Variants in CCDC88C observed in about 807,000 individuals in gnomAD.
The protein encoded by CCDC88C is protein Daple.
Under a neutral mutation model 198.8 loss-of-function variants are expected in CCDC88C, and 131 were observed. That is an observed-to-expected ratio of 0.66 (90% confidence interval 0.57 to 0.76). The LOEUF (loss-of-function observed/expected upper bound fraction) is 0.76, where lower values mean the gene tolerates loss of function less well. Among genes scored for constraint, CCDC88C ranks in the 30% least tolerant of loss-of-function variants. The pLI is 0.00. For missense variants in CCDC88C, 2,553 were observed against 2,631.6 expected (o/e 0.97, Z 0.65); for synonymous variants, 1,166 against 1,114.7 (o/e 1.05, Z -0.92).
Position 91,304,247 on chromosome 14 carries a change from A to G in CCDC88C, c.3358-269T>C, listed in dbSNP as rs370983240. On this transcript the variant is annotated intron_variant, in intron 19 of 29. Coordinates refer to ENST00000389857, the MANE Select transcript of CCDC88C (RefSeq NM_001080414.4). ...GGGGCAGATGATGTCCTTTCCCTGG[A>G]TAACTCCCTTGTGTGCTGTGCCCTC... is the stretch of plus-strand genomic sequence containing the variant. Among the ~76,000 whole-genome samples, 33 of 152,290 alleles carry G rather than the reference A, an allele frequency of 2.2e-4. No individual in the cohort carries two copies. The East Asian group carries it at 5.4e-3, about 25-fold the overall frequency.
intron 25 of CCDC88C, among the ~76,000 whole-genome samples, chr14:91,287,476 GGTAC>G (rs1890462662): frequency 6.6e-6 from 1 of 151,998 alleles, no homozygotes; most frequent in Non-Finnish European, 1.5e-5. Context: ...TGAGACTACA[GGTAC>G]GTGCCACCAC....
intron 12 of CCDC88C, among the ~76,000 whole-genome samples, chr14:91,322,935 T>C (rs1285771661): frequency 7.4e-6 from 1 of 135,842 alleles, no homozygotes; most frequent in African/African-American, 2.7e-5. Flanking sequence ...AGACAGAATC[T>C]CACTCTCTCA....
intron 4 of CCDC88C, among the ~76,000 whole-genome samples, chr14:91,350,846 A>G (rs1187649266): frequency 6.6e-6 from 1 of 152,208 alleles, no homozygotes; most frequent in Non-Finnish European, 1.5e-5. Context: ...AATATACGGC[A>G]TGCTACCATG....
intron 3 of CCDC88C, among the ~76,000 whole-genome samples, chr14:91,366,787 G>A (rs1894563453): frequency 6.6e-6 from 1 of 152,166 alleles, no homozygotes; most frequent in Admixed American, 6.5e-5. Context: ...TGACTCTCAG[G>A]GTATAAGCCC....
At chr14:91,282,046 T>C (rs780033040) in intron 26 of CCDC88C, among the ~76,000 whole-genome samples, 3 of 152,204 alleles carry the variant, frequency 2.0e-5, no homozygotes, top group Non-Finnish European at 4.4e-5. Flanking sequence ...CCATCAAGCA[T>C]TTGGCCTTTC....
chr14:91,299,344 C>T (rs192966531), intron 21 of CCDC88C, among the ~76,000 whole-genome samples: 42 of 152,254 alleles, frequency 2.8e-4, no homozygotes, highest in African/African-American at 3.9e-4. Context: ...AGTCACTTCC[C>T]GAAAGCACAA....
At chr14:91,355,337 C>T (rs1168391625) in intron 4 of CCDC88C, among the ~76,000 whole-genome samples, 3 of 152,264 alleles carry the variant, frequency 2.0e-5, no homozygotes, top group East Asian at 3.9e-4. Context: ...GCACTCAGGC[C>T]CCAGAAGCCT....
At chr14:91,323,008 C>A (rs185017805) in intron 12 of CCDC88C, among the ~76,000 whole-genome samples, 1 of 149,902 alleles carries the variant, frequency 6.7e-6, no homozygotes, top group Non-Finnish European at 1.5e-5. Context: ...CAGGTTCAAG[C>A]GATTCTCCGG....
intron 3 of CCDC88C, among the ~76,000 whole-genome samples, chr14:91,407,144 C>T (rs1449273350): frequency 6.6e-6 from 1 of 152,148 alleles, no homozygotes; most frequent in Admixed American, 6.5e-5. Context: ...AGGCCATTGT[C>T]CACTCCCTCC....
At chr14:91,366,402 C>T (rs2063343424) in intron 3 of CCDC88C, among the ~76,000 whole-genome samples, 1 of 152,156 alleles carries the variant, frequency 6.6e-6, no homozygotes, top group African/African-American at 2.4e-5. Context: ...AGGAGAATTG[C>T]TTGAACCCGG....
intron 10 of CCDC88C, among the ~76,000 whole-genome samples, chr14:91,330,521 G>A (rs1239169978): frequency 1.3e-5 from 2 of 152,188 alleles, no homozygotes; most frequent in Non-Finnish European, 2.9e-5. Flanking sequence ...GAGCGAGGAT[G>A]CCAGTGAGGC....
intron 13 of CCDC88C, among the ~76,000 whole-genome samples, chr14:91,317,864 C>T (rs1596064875): frequency 3.3e-5 from 5 of 152,312 alleles, no homozygotes; most frequent in Admixed American, 3.3e-4. Context: ...CCCGCCAGGT[C>T]CTGTTTGTAC....
intron 24 of CCDC88C, 24 bp downstream of exon 24, chr14:91,290,971 G>A (rs1334596393): frequency 7.2e-7 from 1 of 1,390,082 alleles, no homozygotes; most frequent in Admixed American, 1.9e-5. Context: ...CTGTCTTTAT[G>A]CCACTACACT....
intron 4 of CCDC88C, among the ~76,000 whole-genome samples, chr14:91,351,079 G>C (rs1159490196): frequency 1.3e-5 from 2 of 152,186 alleles, no homozygotes; most frequent in Admixed American, 1.3e-4. Flanking sequence ...ACCAGCGTTT[G>C]CTGACTGAGT....
chr14:91,382,362 G>T (rs961782543), intron 3 of CCDC88C, among the ~76,000 whole-genome samples: 2 of 152,116 alleles, frequency 1.3e-5, no homozygotes, highest in Admixed American at 1.3e-4. Flanking sequence ...TTTCAACATG[G>T]CGGGCCCCAT....
rs1434925662 is a variant in CCDC88C, at chr14:91,322,541, C to A, written c.1343-1237G>T. Among the ~76,000 whole-genome samples the A allele has an allele frequency of 1.3e-5, 2 of 152,224 alleles. 1 individual carries two copies. The highest frequency in any genetic ancestry group is 3.8e-4 in the East Asian group (2 of 5,204). ...CAAATAAGCTGTAAATGAAACTAAC[C>A]TAACTTCAACACCAAGCCTCAAATA... On this transcript the variant is annotated intron_variant, in intron 12 of 29. Coordinates refer to ENST00000389857, the MANE Select transcript of CCDC88C (RefSeq NM_001080414.4).
chr14:91,296,310 C>T (rs1890999965), intron 22 of CCDC88C, among the ~76,000 whole-genome samples: 1 of 152,232 alleles, frequency 6.6e-6, no homozygotes, highest in Non-Finnish European at 1.5e-5. Flanking sequence ...CATTTCTGTG[C>T]AAATCAGTCC....
chr14:91,409,768 G>C (rs1278849273), intron 2 of CCDC88C, among the ~76,000 whole-genome samples: 4 of 152,166 alleles, frequency 2.6e-5, no homozygotes, highest in African/African-American at 9.7e-5. Flanking sequence ...TTACAGGTGT[G>C]AGCCACTGTG....
chr14:91,303,742 C>A lies in CCDC88C; in HGVS notation c.3594G>T (p.Leu1198=). The A allele has an allele frequency of 3.1e-6, 5 of 1,609,672 alleles. No homozygotes were observed. Among genetic ancestry groups the A allele is most frequent in the Non-Finnish European group, 4.2e-6 (5 of 1,177,326 alleles). ...LIRQHSCLKT[L]HRNLELEHKE... ...TGTGCTCCAGCTCCAGATTCCGATG[C>A]AGTGTCTTTAGGCAGCTGTGCTGGC... Residue 1198 remains leucine (L), a synonymous_variant, in exon 20 of 30, where the codon CTG becomes CTT. Transcript: ENST00000389857.
Sources: gnomAD v4.1 joint callset for allele counts (sites outside exome capture counted in the v4.1 genomes callset) on GRCh38, gnomAD v4.1.1 for gene constraint, MANE v1.5 for transcripts, NCBI Gene and HGNC (gene_info 2026-07-23, HGNC 2026-07-21) for gene names.